C5: variants seen among roughly 807,000 people sequenced by gnomAD.
C5 encodes complement C5.
C5 carries 140 observed loss-of-function variants against 218.8 expected under a neutral mutation model. That is an observed-to-expected ratio of 0.64 (90% CI 0.56 to 0.74). The LOEUF is 0.74. C5 is among the 30% of genes least tolerant of loss of function. C5 has a pLI of 0.00. For missense variants in C5, 1,700 were observed against 1,969.6 expected (o/e 0.86, Z 2.59); for synonymous variants, 614 against 682.3 (o/e 0.90, Z 1.56).
chr9:120,985,243 C>G (rs1047032468), intron 25 of C5, among the ~76,000 whole-genome samples: 1 of 152,110 alleles, frequency 6.6e-6, no homozygotes, highest in African/African-American at 2.4e-5. Context: ...AAGAAGTAGG[C>G]TATTTGATTT....
chr9:120,986,572 A>G (rs2047034402), intron 25 of C5, among the ~76,000 whole-genome samples: 1 of 147,006 alleles, frequency 6.8e-6, no homozygotes. Context: ...GTCTTGCCCC[A>G]AACTCTTGAA....
At chr9:121,053,132 CCAGAGGCCAGTGGAGAAA>C (rs1253211393), upstream of C5, among the ~76,000 whole-genome samples, 1 of 152,138 alleles carries the variant, frequency 6.6e-6, no homozygotes, top group Non-Finnish European at 1.5e-5. Context: ...TGTTCCATGT[CCAGAGGCCAGTGGAGAAA>C]CAGAGGCGTC....
Position 121,030,604 on chromosome 9 carries a change from C to T in C5, c.668-117G>A, listed in dbSNP as rs550067728. The T allele has an allele frequency of 3.5e-5, 22 of 622,274 alleles. 1 individual carries two copies. Among genetic ancestry groups the T allele is most frequent in the South Asian group, 6.0e-5 (3 of 49,650 alleles). 38.5% of individuals were successfully genotyped at this position (622,274 alleles called of 1,614,324 possible). A position where few individuals can be genotyped will look rare whatever the true frequency, so the allele number is the denominator to read the frequency against. ...CAAGCTGTAACATCAACACAACATC[C>T]ACTTTATTATCATAATCATCATCGT... On this transcript the variant is annotated intron_variant, in intron 6 of 40. Coordinates refer to ENST00000223642, the MANE Select transcript of C5 (RefSeq NM_001735.3).
intron 39 of C5, 97 bp downstream of exon 39, chr9:120,957,184 CTTAT>C: frequency 1.2e-6 from 1 of 835,986 alleles, no homozygotes; most frequent in Non-Finnish European, 2.1e-6. Flanking sequence ...AGAGCTCTGT[CTTAT>C]TTGAGTTGTA....
intron 17 of C5, among the ~76,000 whole-genome samples, chr9:121,011,040 A>G (rs1564150264): frequency 6.6e-6 from 1 of 152,230 alleles, no homozygotes; most frequent in African/African-American, 2.4e-5. Flanking sequence ...ATAGGAAAAC[A>G]CTGGGAAAAC....
rs41311921 is a variant in C5 at position 120,981,030 on chromosome 9, T to C, written c.3487-776A>G. Among the ~76,000 whole-genome samples the C allele has an allele frequency of 7.8e-3, 1,182 of 152,372 alleles. 16 individuals are homozygous for C. The highest frequency in any genetic ancestry group is 0.027 in the African/African-American group (1,125 of 41,590). ...GAAACCCTAACTGCCACAGTACTTTTAGATCCTAAGAATGCCTGGGTAAAT... is the reference window on the plus strand; with the variant it reads ...GAAACCCTAACTGCCACAGTACTTTCAGATCCTAAGAATGCCTGGGTAAAT... On this transcript the variant is annotated intron_variant, in intron 27 of 40. Coordinates refer to ENST00000223642, the MANE Select transcript of C5 (RefSeq NM_001735.3).
chr9:120,970,897 C>T (rs545980010), intron 31 of C5, among the ~76,000 whole-genome samples: 4 of 152,228 alleles, frequency 2.6e-5, no homozygotes, highest in East Asian at 1.9e-4. Flanking sequence ...GCCAGCTGGG[C>T]GTGGTGGCTC....
intron 4 of C5, among the ~76,000 whole-genome samples, chr9:121,036,628 G>T (rs915753765): frequency 7.9e-5 from 12 of 151,774 alleles, no homozygotes; most frequent in African/African-American, 2.7e-4. Flanking sequence ...TTCTTACATG[G>T]ATGGTCTTCA....
At position 121,037,935 on chromosome 9, in the gene C5, A is replaced by G. The variant is rs1165012710; in HGVS notation, c.438T>C (p.Tyr146=). The G allele has an allele frequency of 6.6e-7, 1 of 1,513,996 alleles. No homozygotes were observed. The highest frequency in any genetic ancestry group is 1.4e-5 in the African/African-American group (1 of 72,736). 93.8% of individuals were successfully genotyped at this position (1,513,996 alleles called of 1,614,324 possible). The change falls in exon 4 of 41, where the codon TAT becomes TAC. Residue 146 remains tyrosine, a synonymous_variant. Coordinates refer to ENST00000223642, the MANE Select transcript of C5 (RefSeq NM_001735.3). ...CTGGCTTCAAGTCGTCATTCAACGAATAAACTCTAACTTTTACTGTAAGAA... is the reference window on the plus strand; with the variant it reads ...CTGGCTTCAAGTCGTCATTCAACGAGTAAACTCTAACTTTTACTGTAAGAA... ...TPDQSVKVRV[Y]SLNDDLKPAK...
At chr9:120,986,235 C>T (rs2047032020) in intron 25 of C5, among the ~76,000 whole-genome samples, 1 of 151,538 alleles carries the variant, frequency 6.6e-6, no homozygotes, top group Non-Finnish European at 1.5e-5. Context: ...TATATATATA[C>T]TATATAAAAT....
chr9:120,976,549 C>A, intron 29 of C5, 151 bp downstream of exon 29: 1 of 725,228 alleles, frequency 1.4e-6, no homozygotes, highest in Non-Finnish European at 2.5e-6. Context: ...AGTGTTGACG[C>A]AGATAACCTG....
intron 33 of C5, 119 bp from the exon 34 acceptor site, chr9:120,963,857 C>A: frequency 1.4e-6 from 1 of 732,396 alleles, no homozygotes; most frequent in Non-Finnish European, 2.4e-6. Context: ...ATTTGCTTTT[C>A]TACAATGTAT....
intron 12 of C5, among the ~76,000 whole-genome samples, chr9:121,018,853 G>T (rs2047339708): frequency 6.6e-6 from 1 of 152,100 alleles, no homozygotes; most frequent in Non-Finnish European, 1.5e-5. Flanking sequence ...ACTTTAACAT[G>T]TATTTAACTC....
At chr9:121,061,953 T>C in the C5 span, among the ~76,000 whole-genome samples, 1 of 152,256 alleles carries the variant, frequency 6.6e-6, no homozygotes, top group South Asian at 2.1e-4. Flanking sequence ...TATCTTTCCC[T>C]TTCTTTCTAT....
chr9:120,960,166 A>G, intron 38 of C5, 82 bp downstream of exon 38: 1 of 866,398 alleles, frequency 1.2e-6, no homozygotes, highest in South Asian at 1.4e-5. Flanking sequence ...TAATCACTAT[A>G]TAAAGTTTTT....
chr9:120,965,348 C>T (rs1228214563), intron 33 of C5, among the ~76,000 whole-genome samples: 1 of 151,950 alleles, frequency 6.6e-6, no homozygotes, highest in Non-Finnish European at 1.5e-5. Flanking sequence ...GGTGAAACCA[C>T]TTCTCTACTA....
intron 21 of C5, 83 bp downstream of exon 21, chr9:120,997,464 C>T (rs1462129377): frequency 1.9e-6 from 2 of 1,035,682 alleles, no homozygotes; most frequent in East Asian, 2.5e-5. Context: ...GTTAAATTTA[C>T]ACTATTGTTT....
chr9:121,014,513 A>C (rs2047289941), intron 16 of C5, among the ~76,000 whole-genome samples: 1 of 152,218 alleles, frequency 6.6e-6, no homozygotes, highest in African/African-American at 2.4e-5. Context: ...CTTATATAAC[A>C]TGGTTTGTGG....
chr9:121,050,085 G>T, intron 1 of C5, 97 bp downstream of exon 1: 1 of 983,598 alleles, frequency 1.0e-6, no homozygotes, highest in Admixed American at 1.7e-5. Context: ...CTCAGAAGTA[G>T]CAAGTTATTT....
Sources: allele counts gnomAD v4.1 joint callset (sites outside exome capture counted in the v4.1 genomes callset), GRCh38; gene constraint gnomAD v4.1.1; transcripts MANE v1.5; gene names NCBI Gene and HGNC (gene_info 2026-07-23, HGNC 2026-07-21).